Variants in SYT1 observed in about 807,000 individuals in gnomAD.
SYT1 encodes synaptotagmin-1.
Under a neutral mutation model 44.8 loss-of-function variants are expected in SYT1, and 8 were observed. The observed-to-expected ratio is 0.18, with a 90% confidence interval of 0.10 to 0.32. The LOEUF (loss-of-function observed/expected upper bound fraction) is 0.32. SYT1 is among the 10% of genes least tolerant of loss of function. The pLI is 1.00. For synonymous variants in SYT1, 154 were observed against 188.8 expected, an observed-to-expected ratio of 0.82 and a Z score of 1.51; for missense variants, 286 against 509.3, an observed-to-expected ratio of 0.56 and a Z score of 4.22.
At chr12:79,194,783 T>C (rs1565849344) in intron 3 of SYT1, among the ~76,000 whole-genome samples, 1 of 152,162 alleles carries the variant, frequency 6.6e-6, no homozygotes, top group Non-Finnish European at 1.5e-5. Flanking sequence ...TTTTTAATCA[T>C]TAGTCATTTC....
intron 2 of SYT1, among the ~76,000 whole-genome samples, chr12:79,040,620 T>G (rs1268542424): frequency 4.6e-5 from 7 of 151,904 alleles, no homozygotes; most frequent in South Asian, 2.1e-4. Flanking sequence ...AGAAGCTCTT[T>G]AGTTTAATTA....
At chr12:79,349,496 T>A (rs1882794069) in intron 8 of SYT1, among the ~76,000 whole-genome samples, 1 of 152,130 alleles carries the variant, frequency 6.6e-6, no homozygotes, top group Non-Finnish European at 1.5e-5. Context: ...TGATTTTGAG[T>A]TAAAAGAGTT....
At chr12:79,186,435 T>C (rs1872805570) in intron 3 of SYT1, among the ~76,000 whole-genome samples, 1 of 152,062 alleles carries the variant, frequency 6.6e-6, no homozygotes, top group African/African-American at 2.4e-5. Flanking sequence ...ATTGTGTTCC[T>C]TTGCCCATAA....
At chr12:79,255,657 G>A (rs973012723) in intron 4 of SYT1, among the ~76,000 whole-genome samples, 33 of 152,170 alleles carry the variant, frequency 2.2e-4, no homozygotes, top group African/African-American at 7.5e-4. Context: ...AAAAAGTAAG[G>A]AAGAAGAATG....
intron 3 of SYT1, among the ~76,000 whole-genome samples, chr12:79,129,435 C>A (rs992325081): frequency 1.5e-4 from 23 of 152,060 alleles, no homozygotes; most frequent in African/African-American, 5.6e-4. Context: ...CCTCATGGGT[C>A]TATGAAAGAG....
At chr12:79,052,192 C>CT (rs1874554361) in intron 3 of SYT1, among the ~76,000 whole-genome samples, 1 of 152,064 alleles carries the variant, frequency 6.6e-6, no homozygotes, top group Non-Finnish European at 1.5e-5. Flanking sequence ...TTTGTATCCT[C>CT]TTTTATTTCA....
intron 3 of SYT1, among the ~76,000 whole-genome samples, chr12:79,101,951 T>C (rs1361362268): frequency 6.7e-6 from 1 of 148,232 alleles, no homozygotes; most frequent in East Asian, 2.0e-4. Context: ...AAATAAAAGA[T>C]ATTAAATAGT....
chr12:79,064,926 GAGAAAGAAAGAAAGAAAGAAAGAA>G (rs200335076), intron 3 of SYT1, among the ~76,000 whole-genome samples: 3,840 of 111,512 alleles, frequency 0.034, 97 homozygotes, highest in Non-Finnish European at 0.039. Context: ...AAAAAATAGA[GAGAAAGAAAGAAAGAAAGAAAGAA>G]AGAAAGAAAG....
At chr12:79,014,145 A>G (rs1317232046) in intron 2 of SYT1, among the ~76,000 whole-genome samples, 43 of 147,804 alleles carry the variant, frequency 2.9e-4, no homozygotes, top group African/African-American at 1.1e-3. Flanking sequence ...AAAAGAAAAA[A>G]AAAAAAAAGA....
At chr12:79,357,923 T>C (rs746527838) in intron 9 of SYT1, among the ~76,000 whole-genome samples, 6 of 152,208 alleles carry the variant, frequency 3.9e-5, no homozygotes, top group Non-Finnish European at 7.3e-5. Flanking sequence ...ATTGGAAACA[T>C]TGAGGCTTCC....
chr12:79,048,687 A>G (rs1874250411), intron 3 of SYT1, among the ~76,000 whole-genome samples: 1 of 151,946 alleles, frequency 6.6e-6, no homozygotes, highest in Admixed American at 6.6e-5. Context: ...ATGAAAGTCT[A>G]TTTTGAGTAT....
chr12:79,036,001 A>G (rs1281282766), intron 2 of SYT1, among the ~76,000 whole-genome samples: 1 of 151,474 alleles, frequency 6.6e-6, no homozygotes, highest in East Asian at 1.9e-4. Context: ...GGAACCATCC[A>G]GCCTTCATGG....
chr12:79,291,461 T>C (rs946340705), intron 5 of SYT1, among the ~76,000 whole-genome samples: 1 of 152,212 alleles, frequency 6.6e-6, no homozygotes. Context: ...TTTTTTCCTC[T>C]TTTTCATACC....
intron 1 of SYT1, among the ~76,000 whole-genome samples, chr12:78,925,882 T>C (rs1877276533): frequency 6.6e-6 from 1 of 152,056 alleles, no homozygotes; most frequent in South Asian, 2.1e-4. Flanking sequence ...TAGCAAAATA[T>C]TATTTGCAAT....
intron 3 of SYT1, among the ~76,000 whole-genome samples, chr12:79,205,274 AT>A (rs1874053257): frequency 6.6e-6 from 1 of 152,062 alleles, no homozygotes; most frequent in African/African-American, 2.4e-5. Flanking sequence ...CTGTTGCAAC[AT>A]TTTTTAAAAC....
intron 9 of SYT1, among the ~76,000 whole-genome samples, chr12:79,376,317 T>C (rs557796781): frequency 6.6e-6 from 1 of 152,352 alleles, no homozygotes; most frequent in Admixed American, 6.5e-5. Context: ...CCCATTTTTA[T>C]GGTCATTTCT....
chr12:78,983,488 A>G (rs1280414357), intron 2 of SYT1, among the ~76,000 whole-genome samples: 2 of 152,138 alleles, frequency 1.3e-5, no homozygotes, highest in Non-Finnish European at 2.9e-5. Flanking sequence ...TCTGTCAAGA[A>G]CTTATTCCAA....
chr12:79,217,728 A>C (rs1239991582), intron 4 of SYT1, 43 bp downstream of exon 4: 38 of 1,528,602 alleles, frequency 2.5e-5, no homozygotes, highest in African/African-American at 4.2e-5. Context: ...TAAGTGGTTG[A>C]AAAATACCCC....
chr12:78,937,694 G>A (rs866587972), intron 1 of SYT1, among the ~76,000 whole-genome samples: 4 of 152,122 alleles, frequency 2.6e-5, no homozygotes, highest in Non-Finnish European at 5.9e-5. Flanking sequence ...TAAGAAGACT[G>A]TAATAATTAC....
Sources: gnomAD v4.1 joint callset for allele counts (sites outside exome capture counted in the v4.1 genomes callset) on GRCh38, gnomAD v4.1.1 for gene constraint, MANE v1.5 for transcripts, NCBI Gene and HGNC (gene_info 2026-07-23, HGNC 2026-07-21) for gene names.